The following MACROD2 variants were observed in gnomAD, a reference collection of about 807,000 sequenced individuals.
MACROD2 encodes mono-ADP ribosylhydrolase 2, also known as ADP-ribose glycohydrolase MACROD2.
A neutral mutation model predicts 70.4 loss-of-function variants in MACROD2; 36 were observed. The ratio of observed to expected loss-of-function variants is 0.51; its 90% CI spans 0.39 to 0.68. MACROD2 has a LOEUF of 0.68. Among genes scored for constraint, MACROD2 ranks in the 30% least tolerant of loss-of-function variants. MACROD2 has a pLI of 0.00. For missense variants in MACROD2, 496 were observed against 538.4 expected (o/e 0.92, Z 0.78); for synonymous variants, 172 against 178.8 (o/e 0.96, Z 0.30).
chr20:14,772,526 A>AGATCTCCT (rs754042158), intron 5 of MACROD2, among the ~76,000 whole-genome samples: 7 of 152,082 alleles, frequency 4.6e-5, no homozygotes, highest in African/African-American at 1.4e-4. Context: ...TAAAACCATC[A>AGATCTCCT]GATCTCCTGA....
chr20:15,479,276 T>C (rs1305913637), intron 7 of MACROD2, among the ~76,000 whole-genome samples: 1 of 140,972 alleles, frequency 7.1e-6, no homozygotes, highest in East Asian at 2.0e-4. Flanking sequence ...TTTTTTTTTT[T>C]TTTTTTTTTT....
chr20:14,959,983 G>C (rs1316886296), intron 5 of MACROD2, among the ~76,000 whole-genome samples: 1 of 152,156 alleles, frequency 6.6e-6, no homozygotes, highest in African/African-American at 2.4e-5. Flanking sequence ...CTGTCTCATT[G>C]GTTTACTCAT....
intron 7 of MACROD2, among the ~76,000 whole-genome samples, chr20:15,435,404 A>C (rs188977933): frequency 1.1e-4 from 17 of 152,116 alleles, no homozygotes; most frequent in African/African-American, 3.9e-4. Context: ...CACACACACA[A>C]AAGAATTGTT....
intron 6 of MACROD2, among the ~76,000 whole-genome samples, chr20:15,231,122 A>G (rs984074606): frequency 4.6e-5 from 7 of 152,100 alleles, no homozygotes; most frequent in East Asian, 1.9e-4. Flanking sequence ...TTTCAATGCA[A>G]CATTGGTGAT....
rs190496631 is a variant in MACROD2 at position 15,763,764 on chromosome 20, A to G, written c.646-98981A>G. On this transcript the variant is annotated intron_variant, in intron 8 of 17. Transcript: ENST00000684519. ...AACTGAGAAAATTGAATTTGGGTCA[A>G]TTGTTACAAATACAGACCAATGCAT... is the stretch of plus-strand genomic sequence containing the variant. Among the ~76,000 whole-genome samples, 410 of 152,324 alleles carry G rather than the reference A, an allele frequency of 2.7e-3. 2 individuals are homozygous for G. Among genetic ancestry groups the G allele is most frequent in the African/African-American group, 9.1e-3 (379 of 41,588 alleles).
intron 8 of MACROD2, among the ~76,000 whole-genome samples, chr20:15,683,526 C>T (rs2050188223): frequency 6.6e-6 from 1 of 152,134 alleles, no homozygotes; most frequent in African/African-American, 2.4e-5. Context: ...CTCAGCATTG[C>T]CACCCATCTG....
At chr20:15,629,650 T>C (rs996785343) in intron 8 of MACROD2, among the ~76,000 whole-genome samples, 1 of 152,184 alleles carries the variant, frequency 6.6e-6, no homozygotes, top group Non-Finnish European at 1.5e-5. Context: ...TCCATCACAG[T>C]GCATTACATG....
At chr20:16,005,934 C>A (rs1172722595) in intron 15 of MACROD2, among the ~76,000 whole-genome samples, 3 of 152,196 alleles carry the variant, frequency 2.0e-5, no homozygotes, top group Non-Finnish European at 4.4e-5. Context: ...TTCACCCTTT[C>A]AAAAGCTTTA....
At chr20:15,151,752 C>T (rs1378894116) in intron 5 of MACROD2, among the ~76,000 whole-genome samples, 1 of 151,900 alleles carries the variant, frequency 6.6e-6, no homozygotes. Flanking sequence ...GCTCTAGCCA[C>T]CTTTTTAAGA....
intron 5 of MACROD2, among the ~76,000 whole-genome samples, chr20:14,921,216 T>A (rs188177390): frequency 1.4e-3 from 209 of 152,276 alleles, no homozygotes; most frequent in African/African-American, 4.8e-3. Flanking sequence ...CATGACATTT[T>A]AAAAATCCAT....
At chr20:15,538,985 C>T (rs574509490) in intron 8 of MACROD2, among the ~76,000 whole-genome samples, 1 of 151,868 alleles carries the variant, frequency 6.6e-6, no homozygotes, top group South Asian at 2.1e-4. Flanking sequence ...ATGTCTATAT[C>T]GCATAAAGTA....
Position 16,049,946 on chromosome 20 carries a change from A to G in MACROD2, c.*70A>G. 2.4e-5 allele frequency: 2 copies of G among 84,426 alleles called. No individual in the cohort carries two copies. 5.2% of individuals were successfully genotyped at this position (84,426 alleles called of 1,614,324 possible). A position where few individuals can be genotyped will look rare whatever the true frequency, so the allele number is the denominator to read the frequency against. ...GGGAAGATAGCAGCACACGCTGTGGAGGAGGGTGGGGGTGGGGGGAAGGCA... is the reference window on the plus strand; with the variant it reads ...GGGAAGATAGCAGCACACGCTGTGGGGGAGGGTGGGGGTGGGGGGAAGGCA... On this transcript the variant is annotated 3_prime_UTR_variant, in exon 18 of 18. Transcript: ENST00000684519.
At chr20:15,957,103 G>T (rs3859629) in intron 12 of MACROD2, among the ~76,000 whole-genome samples, 92,128 of 151,866 alleles carry the variant, frequency 0.61, 29,789 homozygotes, top group Non-Finnish European at 0.72. Context: ...TATAGATGCT[G>T]TTGAGAGTTA....
chr20:14,945,110 CTTTCTTTTTTT>C (rs900632548), intron 5 of MACROD2, among the ~76,000 whole-genome samples: 11 of 151,824 alleles, frequency 7.2e-5, no homozygotes, highest in African/African-American at 2.2e-4. Context: ...TCTTTTCTTT[CTTTCTTTTTTT>C]TTTCTTTTTT....
intron 5 of MACROD2, among the ~76,000 whole-genome samples, chr20:15,228,487 CTTTT>C (rs527508760): frequency 4.2e-5 from 5 of 118,008 alleles, no homozygotes; most frequent in East Asian, 4.6e-4. Context: ...TTCCTTCTTT[CTTTT>C]TTTTTTTTTT....
chr20:14,695,802 T>C (rs146246328), intron 5 of MACROD2, among the ~76,000 whole-genome samples: 129 of 152,308 alleles, frequency 8.5e-4, no homozygotes, highest in African/African-American at 2.9e-3. Flanking sequence ...TCCAACATCA[T>C]GAAAGACCCT....
At chr20:15,190,426 C>T (rs1184109285) in intron 5 of MACROD2, among the ~76,000 whole-genome samples, 1 of 152,176 alleles carries the variant, frequency 6.6e-6, no homozygotes, top group Non-Finnish European at 1.5e-5. Context: ...AATGCTCTTC[C>T]TCTTCCTCCT....
intron 7 of MACROD2, among the ~76,000 whole-genome samples, chr20:15,435,868 G>A (rs186464377): frequency 3.3e-5 from 5 of 152,226 alleles, no homozygotes; most frequent in African/African-American, 1.2e-4. Context: ...AATAGTGTGA[G>A]TCACATTAGC....
intron 5 of MACROD2, among the ~76,000 whole-genome samples, chr20:15,149,433 G>A (rs1267823600): frequency 6.6e-6 from 1 of 151,952 alleles, no homozygotes; most frequent in African/African-American, 2.4e-5. Context: ...TAAATGTCAG[G>A]TGGATCAGAG....
Sources: allele counts gnomAD v4.1 joint callset (sites outside exome capture counted in the v4.1 genomes callset), GRCh38; gene constraint gnomAD v4.1.1; transcripts MANE v1.5; gene names NCBI Gene and HGNC (gene_info 2026-07-23, HGNC 2026-07-21).